Variants in RICTOR observed in about 807,000 individuals in gnomAD.
RICTOR encodes the protein RPTOR independent companion of MTOR complex 2, also known as rapamycin-insensitive companion of mTOR.
A neutral mutation model predicts 214.9 loss-of-function variants in RICTOR; 49 were observed. The ratio of observed to expected loss-of-function variants is 0.23; its 90% CI spans 0.18 to 0.29. RICTOR has a LOEUF of 0.29. RICTOR is among the 10% of genes least tolerant of loss of function. The probability of loss-of-function intolerance (pLI) is 1.00; values close to 1 mark genes in which losing one functional copy is unlikely to be tolerated. For synonymous variants in RICTOR, 717 were observed against 711.3 expected, an observed-to-expected ratio of 1.01 and a Z score of -0.13; for missense variants, 1,625 against 2,047.0, an observed-to-expected ratio of 0.79 and a Z score of 3.98.
intron 9 of RICTOR, among the ~76,000 whole-genome samples, chr5:38,976,387 C>A (rs1386792228): frequency 1.3e-5 from 2 of 151,508 alleles, no homozygotes; most frequent in Non-Finnish European, 2.9e-5. Flanking sequence ...GGAAAAACAG[C>A]AACAAAAAGT....
intron 9 of RICTOR, among the ~76,000 whole-genome samples, chr5:38,977,416 T>C (rs546264572): frequency 8.5e-5 from 13 of 152,118 alleles, no homozygotes; most frequent in Non-Finnish European, 1.6e-4. Context: ...ATGTCTATAT[T>C]TCAAAAGAAG....
intron 2 of RICTOR, among the ~76,000 whole-genome samples, chr5:39,028,782 C>T (rs974167592): frequency 2.6e-5 from 4 of 152,062 alleles, no homozygotes; most frequent in African/African-American, 9.7e-5. Context: ...CCTGTAATCC[C>T]AGCAGCTAGG....
At chr5:38,975,405 T>C in intron 10 of RICTOR, 132 bp downstream of exon 10, 1 of 655,028 alleles carries the variant, frequency 1.5e-6, no homozygotes. Flanking sequence ...CGAGTTCCTT[T>C]GGTTCTAATA....
chr5:38,982,276 G>A (rs991395889), intron 7 of RICTOR, among the ~76,000 whole-genome samples: 2 of 152,004 alleles, frequency 1.3e-5, no homozygotes, highest in East Asian at 1.9e-4. Context: ...ATATAATAAC[G>A]GAATGGCTTT....
chr5:39,061,348 G>A (rs934230106), intron 2 of RICTOR, among the ~76,000 whole-genome samples: 2 of 151,986 alleles, frequency 1.3e-5, no homozygotes, highest in African/African-American at 4.8e-5. Context: ...AACAAACATA[G>A]CTGCTCAACA....
intron 3 of RICTOR, among the ~76,000 whole-genome samples, chr5:39,007,609 C>T (rs1295330280): frequency 6.6e-6 from 1 of 151,820 alleles, no homozygotes; most frequent in East Asian, 1.9e-4. Flanking sequence ...CTCAGGACCC[C>T]AAAGAAGAAC....
chr5:38,962,720 AT>A, intron 17 of RICTOR, 134 bp from the exon 18 acceptor site: 3 of 797,212 alleles, frequency 3.8e-6, no homozygotes, highest in Non-Finnish European at 5.9e-6. Context: ...CTTTAAAGTT[AT>A]AAAAACCCAT....
chr5:38,960,791 T>C (rs1002926755), intron 19 of RICTOR, among the ~76,000 whole-genome samples: 3 of 152,102 alleles, frequency 2.0e-5, no homozygotes, highest in Non-Finnish European at 4.4e-5. Flanking sequence ...GATAAGATTA[T>C]GGGGGCGGTT....
chr5:39,030,403 C>T (rs963125964), intron 2 of RICTOR, among the ~76,000 whole-genome samples: 3 of 152,030 alleles, frequency 2.0e-5, no homozygotes, highest in Non-Finnish European at 4.4e-5. Flanking sequence ...AATATATTCC[C>T]CAACATCTTA....
intron 24 of RICTOR, 42 bp from the exon 25 acceptor site, chr5:38,957,772 A>G: frequency 9.4e-7 from 1 of 1,068,246 alleles, no homozygotes; most frequent in Non-Finnish European, 1.4e-6. Context: ...TGAGTCTGGC[A>G]AAAACGTATC....
chr5:39,036,438 A>C (rs1756700431), intron 2 of RICTOR, among the ~76,000 whole-genome samples: 1 of 152,218 alleles, frequency 6.6e-6, no homozygotes, highest in Admixed American at 6.5e-5. Context: ...CTAACATCAT[A>C]ATGACAGTAT....
chr5:39,049,682 AAGGG>A (rs754108285), intron 2 of RICTOR, among the ~76,000 whole-genome samples: 3 of 150,744 alleles, frequency 2.0e-5, no homozygotes, highest in Non-Finnish European at 4.4e-5. Context: ...AATAGGAAAG[AAGGG>A]AGGGAGGGAG....
Position 38,981,945 on chromosome 5 carries a change from C to T in RICTOR, c.675G>A (p.Glu225=), listed in dbSNP as rs1341097994. 6.2e-7 allele frequency: 1 copy of T among 1,612,686 alleles called. No individual in the cohort carries two copies. The highest frequency in any genetic ancestry group is 8.5e-7 in the Non-Finnish European group (1 of 1,178,798). Residue 225 remains glutamate, a synonymous_variant, in exon 8 of 38, where the codon GAG becomes GAA. Transcript: ENST00000357387. ...VIDCQLSRIN[E]ALITTILHLL... The stretch of plus-strand genomic sequence containing the variant: ...GGTGCAAAATTGTAGTAATTAGGGC[C>T]TCATTTATTCGACTTAATTGGCAAT...
chr5:38,962,776 T>C (rs1271095615), intron 17 of RICTOR, 100 bp downstream of exon 17: 5 of 1,008,114 alleles, frequency 5.0e-6, no homozygotes, highest in South Asian at 4.7e-5. Context: ...TTCATATGCA[T>C]GAAGAGAAGT....
At chr5:39,062,845 T>C (rs1379688517) in intron 2 of RICTOR, among the ~76,000 whole-genome samples, 2 of 152,258 alleles carry the variant, frequency 1.3e-5, no homozygotes, top group South Asian at 2.1e-4. Flanking sequence ...CAAACACTAT[T>C]TATCCTGTAC....
intron 6 of RICTOR, among the ~76,000 whole-genome samples, chr5:38,993,204 C>T (rs1031428370): frequency 6.6e-6 from 1 of 152,164 alleles, no homozygotes; most frequent in East Asian, 1.9e-4. Context: ...CTTGCTCTGG[C>T]TTTGCCACTA....
chr5:39,026,542 A>G (rs970206959), intron 2 of RICTOR, among the ~76,000 whole-genome samples: 1 of 152,146 alleles, frequency 6.6e-6, no homozygotes, highest in South Asian at 2.1e-4. Flanking sequence ...CAGTAACTGC[A>G]GCAATTCCAA....
intron 6 of RICTOR, 37 bp from the exon 7 acceptor site, chr5:38,991,112 G>C (rs1196177952): frequency 6.7e-7 from 1 of 1,495,366 alleles, no homozygotes; most frequent in Admixed American, 1.9e-5. Flanking sequence ...AGTTACTTTA[G>C]TAATACATTT....
intron 25 of RICTOR, 49 bp downstream of exon 25, chr5:38,957,603 T>C (rs759863966): frequency 1.0e-6 from 1 of 976,446 alleles, no homozygotes; most frequent in Non-Finnish European, 1.6e-6. Context: ...CAAATCAATT[T>C]CAGAAGATAA....
Sources: allele counts gnomAD v4.1 joint callset (sites outside exome capture counted in the v4.1 genomes callset), GRCh38; gene constraint gnomAD v4.1.1; transcripts MANE v1.5; gene names NCBI Gene and HGNC (gene_info 2026-07-23, HGNC 2026-07-21).